The following DIRAS2 variants were observed in gnomAD, a reference collection of about 807,000 sequenced individuals.
DIRAS2 encodes DIRAS family GTPase 2.
In DIRAS2, 5 loss-of-function variants were observed where a neutral mutation model predicts 13.9. The observed-to-expected ratio is 0.36, with a 90% CI of 0.19 to 0.76. The LOEUF is 0.76. Among genes scored for constraint, DIRAS2 ranks in the 30% least tolerant of loss-of-function variants. DIRAS2 has a pLI of 0.53. For missense variants in DIRAS2, 191 were observed against 263.0 expected (o/e 0.73, Z 1.89); for synonymous variants, 111 against 105.4 (o/e 1.05, Z -0.33).
At chr9:90,619,893 T>C (rs1455549269) in intron 1 of DIRAS2, among the ~76,000 whole-genome samples, 3 of 152,208 alleles carry the variant, frequency 2.0e-5, no homozygotes, top group Non-Finnish European at 2.9e-5. Context: ...TACTGCAACA[T>C]GGATAAATCC....
chr9:90,618,000 A>G (rs996859251), intron 1 of DIRAS2, among the ~76,000 whole-genome samples: 1 of 152,210 alleles, frequency 6.6e-6, no homozygotes, highest in African/African-American at 2.4e-5. Context: ...TCCAGGAATC[A>G]CCTACAGATT....
At chr9:90,639,905 C>T (rs914987140) in intron 1 of DIRAS2, among the ~76,000 whole-genome samples, 1 of 152,170 alleles carries the variant, frequency 6.6e-6, no homozygotes, top group African/African-American at 2.4e-5. Context: ...TGGCGCCGAA[C>T]ATGTTAGCTT....
intron 1 of DIRAS2, among the ~76,000 whole-genome samples, chr9:90,635,022 C>T (rs1360717166): frequency 6.6e-6 from 1 of 152,328 alleles, no homozygotes; most frequent in African/African-American, 2.4e-5. Flanking sequence ...CTCTTAATAG[C>T]CCCGTTTTAC....
intron 1 of DIRAS2, among the ~76,000 whole-genome samples, chr9:90,636,356 G>A (rs1052689161): frequency 3.3e-5 from 5 of 152,112 alleles, no homozygotes; most frequent in Non-Finnish European, 7.3e-5. Flanking sequence ...GAAGCCAAGG[G>A]TGTGGATAAG....
intron 1 of DIRAS2, among the ~76,000 whole-genome samples, chr9:90,619,386 T>C (rs1825198753): frequency 6.6e-6 from 1 of 152,112 alleles, no homozygotes; most frequent in Non-Finnish European, 1.5e-5. Flanking sequence ...GAGGTTGCAG[T>C]GTGCCAAGAT....
At chr9:90,628,519 TTA>T (rs1171176363) in intron 1 of DIRAS2, among the ~76,000 whole-genome samples, 2 of 85,456 alleles carry the variant, frequency 2.3e-5, no homozygotes, top group Admixed American at 1.3e-4. Context: ...AAAACAAAAT[TTA>T]TACACACACA....
intron 1 of DIRAS2, among the ~76,000 whole-genome samples, chr9:90,632,321 G>A (rs1307103800): frequency 6.6e-6 from 1 of 152,088 alleles, no homozygotes; most frequent in Non-Finnish European, 1.5e-5. Context: ...CCTTGCTCCT[G>A]GACTCACCTG....
chr9:90,619,621 T>A (rs1190089414), intron 1 of DIRAS2, among the ~76,000 whole-genome samples: 1 of 152,148 alleles, frequency 6.6e-6, no homozygotes, highest in East Asian at 1.9e-4. Context: ...GATATTGCTG[T>A]TTTGGAAAAA....
At chr9:90,629,273 C>A (rs1464162490) in intron 1 of DIRAS2, among the ~76,000 whole-genome samples, 1 of 152,176 alleles carries the variant, frequency 6.6e-6, no homozygotes, top group Non-Finnish European at 1.5e-5. Context: ...AAAAACAAAT[C>A]TCTATACTCT....
intron 1 of DIRAS2, among the ~76,000 whole-genome samples, chr9:90,632,889 CACAGA>C (rs1242835680): frequency 2.0e-5 from 3 of 152,178 alleles, no homozygotes; most frequent in African/African-American, 7.2e-5. Flanking sequence ...AGGCTGCAAC[CACAGA>C]ACACTAGTGC....
chr9:90,623,642 T>C (rs561066352), intron 1 of DIRAS2, among the ~76,000 whole-genome samples: 87 of 152,320 alleles, frequency 5.7e-4, no homozygotes, highest in Non-Finnish European at 9.3e-4. Flanking sequence ...AATAATATTT[T>C]AGAAGAAACT....
In DIRAS2 at chr9:90,610,166, GA is replaced by G. The variant is rs1475627611; in HGVS notation, c.*3061del. ...GAAGCAACACATTACAAATTTTGGG[GA>G]AAAAAATTAAGTATCACAGAGCAAT... On this transcript the variant is annotated 3_prime_UTR_variant, in exon 2 of 2. Coordinates refer to ENST00000375765, the MANE Select transcript of DIRAS2 (RefSeq NM_017594.5). The G allele has an allele frequency of 5.3e-5, 18 of 337,190 alleles. No individual in the cohort carries two copies. The highest frequency in any genetic ancestry group is 3.0e-4 in the African/African-American group (14 of 47,288). The allele number at this position is 337,190 out of a possible 1,614,324, so 20.9% of individuals were successfully genotyped here. A position where few individuals can be genotyped will look rare whatever the true frequency, so the allele number is the denominator to read the frequency against.
intron 1 of DIRAS2, among the ~76,000 whole-genome samples, chr9:90,636,159 T>A (rs1385234496): frequency 6.8e-6 from 1 of 146,130 alleles, no homozygotes; most frequent in Non-Finnish European, 1.5e-5. Context: ...TGCCTCAGCC[T>A]ACTGAGTAGC....
intron 1 of DIRAS2, among the ~76,000 whole-genome samples, chr9:90,617,044 G>C (rs528848358): frequency 2.6e-5 from 4 of 152,320 alleles, no homozygotes; most frequent in African/African-American, 7.2e-5. Flanking sequence ...GTGATGAAAG[G>C]CGTGTTAGTC....
intron 1 of DIRAS2, among the ~76,000 whole-genome samples, chr9:90,629,899 A>C (rs1216504521): frequency 6.6e-6 from 1 of 152,194 alleles, no homozygotes; most frequent in Non-Finnish European, 1.5e-5. Context: ...AGAGGGGCCA[A>C]CCCTATTAGA....
At chr9:90,618,475 G>C (rs1825189946) in intron 1 of DIRAS2, among the ~76,000 whole-genome samples, 1 of 152,052 alleles carries the variant, frequency 6.6e-6, no homozygotes, top group South Asian at 2.1e-4. Flanking sequence ...AGAAAACATA[G>C]GTATAAACCT....
At chr9:90,614,544 G>A (rs1001273966) in intron 1 of DIRAS2, among the ~76,000 whole-genome samples, 1 of 152,090 alleles carries the variant, frequency 6.6e-6, no homozygotes, top group African/African-American at 2.4e-5. Context: ...AGCAATAAGA[G>A]GGAAGGCTAG....
chr9:90,636,302 T>A (rs552166749), intron 1 of DIRAS2, among the ~76,000 whole-genome samples: 7 of 152,168 alleles, frequency 4.6e-5, no homozygotes, highest in African/African-American at 1.7e-4. Flanking sequence ...CCTCCCAAAG[T>A]GCTGGGATTA....
At chr9:90,641,384 T>G (rs1037087904) in intron 1 of DIRAS2, among the ~76,000 whole-genome samples, 2 of 152,162 alleles carry the variant, frequency 1.3e-5, no homozygotes, top group Non-Finnish European at 2.9e-5. Flanking sequence ...CCCCCTCCTT[T>G]CTCCTTCCTT....
Sources: allele counts gnomAD v4.1 joint callset (sites outside exome capture counted in the v4.1 genomes callset), GRCh38; gene constraint gnomAD v4.1.1; transcripts MANE v1.5; gene names NCBI Gene and HGNC (gene_info 2026-07-23, HGNC 2026-07-21).